Variants in MTUS2 observed in about 807,000 individuals in gnomAD.
The protein encoded by MTUS2 is microtubule-associated tumor suppressor candidate 2.
In MTUS2, 40 loss-of-function variants were observed where a neutral mutation model predicts 114.1. That is an observed-to-expected ratio of 0.35 (90% CI 0.27 to 0.46). The LOEUF is 0.46. Ranked by LOEUF, MTUS2 falls within the 20% of genes least tolerant of loss-of-function variation. The pLI, the probability that MTUS2 is intolerant of heterozygous loss-of-function variation, is 1.00. For synonymous variants in MTUS2, 688 were observed against 672.0 expected (o/e 1.02, Z -0.37); for missense variants, 1,679 against 1,705.4 (o/e 0.98, Z 0.27).
chr13:29,384,594 A>G (rs1352579806), intron 8 of MTUS2, among the ~76,000 whole-genome samples: 2 of 152,222 alleles, frequency 1.3e-5, no homozygotes, highest in South Asian at 2.1e-4. Flanking sequence ...TCTGCTACTC[A>G]TGATTACCAA....
intron 5 of MTUS2, among the ~76,000 whole-genome samples, chr13:29,253,662 C>T (rs1897202159): frequency 6.6e-6 from 1 of 151,898 alleles, no homozygotes; most frequent in African/African-American, 2.4e-5. Context: ...CAGGAGGAGA[C>T]CGTATTAGTC....
At chr13:28,946,149 T>A (rs1470329376) in intron 2 of MTUS2, among the ~76,000 whole-genome samples, 1 of 152,184 alleles carries the variant, frequency 6.6e-6, no homozygotes, top group Admixed American at 6.5e-5. Context: ...TACTGACATT[T>A]TGTTAATTGG....
At chr13:29,177,648 A>T (rs2139143582) in intron 5 of MTUS2, among the ~76,000 whole-genome samples, 1 of 152,204 alleles carries the variant, frequency 6.6e-6, no homozygotes, top group East Asian at 1.9e-4. Context: ...TGAGCAAAGT[A>T]GCAATTGGTT....
At chr13:28,994,098 G>C (rs1174829348) in intron 2 of MTUS2, among the ~76,000 whole-genome samples, 2 of 151,958 alleles carry the variant, frequency 1.3e-5, no homozygotes, top group Non-Finnish European at 2.9e-5. Flanking sequence ...TCCCCTTCCT[G>C]TGTCCATGTG....
chr13:29,154,489 T>G (rs1892780097), intron 5 of MTUS2, among the ~76,000 whole-genome samples: 1 of 152,314 alleles, frequency 6.6e-6, no homozygotes, highest in African/African-American at 2.4e-5. Context: ...ACCATTAACC[T>G]TCTCACAACA....
At chr13:28,964,257 A>T (rs1394354616) in intron 2 of MTUS2, among the ~76,000 whole-genome samples, 1 of 152,114 alleles carries the variant, frequency 6.6e-6, no homozygotes, top group Non-Finnish European at 1.5e-5. Context: ...TAAGTCAACA[A>T]TCCTGGCAAG....
intron 8 of MTUS2, among the ~76,000 whole-genome samples, chr13:29,389,567 G>A (rs370837162): frequency 1.4e-4 from 7 of 49,464 alleles, no homozygotes; most frequent in African/African-American, 4.2e-4. Context: ...GTGTATATGT[G>A]TACATATGTG....
At chr13:29,115,102 T>A (rs1593491993) in intron 5 of MTUS2, among the ~76,000 whole-genome samples, 1 of 152,346 alleles carries the variant, frequency 6.6e-6, no homozygotes, top group East Asian at 1.9e-4. Flanking sequence ...TAGATTTTTT[T>A]TATCTGCTGG....
At chr13:29,172,711 C>T (rs936458278) in intron 5 of MTUS2, among the ~76,000 whole-genome samples, 1 of 152,134 alleles carries the variant, frequency 6.6e-6, no homozygotes, top group Non-Finnish European at 1.5e-5. Flanking sequence ...TGAGTATCTA[C>T]CAAAGGCCAG....
At chr13:29,392,501 G>A (rs187521580) in intron 8 of MTUS2, among the ~76,000 whole-genome samples, 12 of 152,284 alleles carry the variant, frequency 7.9e-5, no homozygotes, top group Admixed American at 4.6e-4. Flanking sequence ...TGCCCTGTCT[G>A]GACGGCTCTT....
intron 2 of MTUS2, among the ~76,000 whole-genome samples, chr13:28,923,320 G>C (rs546948106): frequency 2.6e-5 from 4 of 152,194 alleles, no homozygotes; most frequent in African/African-American, 4.8e-5. Context: ...TCTGTTTCTT[G>C]GTATGATGAT....
intron 5 of MTUS2, among the ~76,000 whole-genome samples, chr13:29,269,694 C>T (rs1897803600): frequency 6.6e-6 from 1 of 152,142 alleles, no homozygotes; most frequent in Non-Finnish European, 1.5e-5. Flanking sequence ...TATGACCCAG[C>T]AGTCCCACTT....
intron 5 of MTUS2, among the ~76,000 whole-genome samples, chr13:29,207,866 A>C (rs1156721922): frequency 6.6e-6 from 1 of 151,938 alleles, no homozygotes; most frequent in Non-Finnish European, 1.5e-5. Flanking sequence ...TTCATTATGG[A>C]GATTGGTCTG....
intron 2 of MTUS2, among the ~76,000 whole-genome samples, chr13:28,931,088 A>T (rs1881589550): frequency 6.6e-6 from 1 of 152,138 alleles, no homozygotes; most frequent in Admixed American, 6.5e-5. Context: ...ACCCTCTGTT[A>T]TGGAATTCTG....
chr13:29,246,037 CGGTCATAGAAAATGATCCT>C (rs1484623259), intron 5 of MTUS2, among the ~76,000 whole-genome samples: 14 of 152,158 alleles, frequency 9.2e-5, no homozygotes, highest in African/African-American at 3.1e-4. Context: ...AAAATGATCC[CGGTCATAGAAAATGATCCT>C]GGTATATTTA....
At chr13:28,956,580 T>C (rs1396443197) in intron 2 of MTUS2, among the ~76,000 whole-genome samples, 3 of 152,188 alleles carry the variant, frequency 2.0e-5, no homozygotes, top group Non-Finnish European at 1.5e-5. Context: ...CAGAGGGGGC[T>C]ACTGGGTAAA....
intron 6 of MTUS2, among the ~76,000 whole-genome samples, chr13:29,289,358 A>T (rs1374894432): frequency 6.6e-6 from 1 of 152,172 alleles, no homozygotes; most frequent in African/African-American, 2.4e-5. Context: ...GAATCTTTTC[A>T]TATTTCTCAG....
chr13:29,253,513 A>G (rs1442683432), intron 5 of MTUS2, among the ~76,000 whole-genome samples: 2 of 151,978 alleles, frequency 1.3e-5, no homozygotes, highest in Non-Finnish European at 2.9e-5. Flanking sequence ...CCCATTCTCA[A>G]TTTTCCACCT....
rs74754491 is a variant in MTUS2 at position 29,132,727 on chromosome 13, T to C, written c.2644+31757T>C. Reference sequence around the variant, plus strand: ...TCTGAATAATATTCCTTTGTATGCATAGACCATATTTTGTTTATCCATTTG... The same window carrying C: ...TCTGAATAATATTCCTTTGTATGCACAGACCATATTTTGTTTATCCATTTG... On this transcript the variant is annotated intron_variant, in intron 5 of 15. Coordinates refer to ENST00000612955, the MANE Select transcript of MTUS2 (RefSeq NM_001033602.4). 9.1e-3 allele frequency among the ~76,000 whole-genome samples: 1,382 copies of C among 152,346 alleles called. 31 individuals carry two copies. Among genetic ancestry groups the C allele is most frequent in the African/African-American group, 0.032 (1,320 of 41,584 alleles).
Sources: gnomAD v4.1 joint callset for allele counts (sites outside exome capture counted in the v4.1 genomes callset) on GRCh38, gnomAD v4.1.1 for gene constraint, MANE v1.5 for transcripts, NCBI Gene and HGNC (gene_info 2026-07-23, HGNC 2026-07-21) for gene names.